ARSL: variants seen among roughly 807,000 people sequenced by gnomAD.
ARSL encodes arylsulfatase L.
A neutral mutation model predicts 31.1 loss-of-function variants in ARSL; 4 were observed. The ratio of observed to expected loss-of-function variants is 0.13; its 90% CI spans 0.06 to 0.29. The LOEUF is 0.29. ARSL is among the 10% of genes least tolerant of loss of function. The pLI, the probability that ARSL is intolerant of heterozygous loss-of-function variation, is 1.00. For missense variants in ARSL, 312 were observed against 497.8 expected (o/e 0.63, Z 3.55); for synonymous variants, 198 against 209.9 (o/e 0.94, Z 0.49).
chrX:2,944,422 C>G (rs745878267), intron 7 of ARSL, among the ~76,000 whole-genome samples: 1 of 104,459 alleles, frequency 9.6e-6, no homozygotes, highest in South Asian at 4.6e-4. Flanking sequence ...CCATTGCACT[C>G]CAGCCTGGGC....
At chrX:2,950,687 C>T (rs1446492335) in intron 5 of ARSL, among the ~76,000 whole-genome samples, 1 of 111,861 alleles carries the variant, frequency 8.9e-6, no homozygotes, top group Admixed American at 9.5e-5. Flanking sequence ...TGAGGCCTCC[C>T]CAGCCATGTG....
chrX:2,936,707 C>G, intron 10 of ARSL, 35 bp downstream of exon 10: 11 of 1,208,764 alleles, frequency 9.1e-6, no homozygotes, highest in Non-Finnish European at 1.2e-5. Flanking sequence ...GGGACTCTTT[C>G]CCTAAGGGTG....
intron 5 of ARSL, among the ~76,000 whole-genome samples, chrX:2,951,614 C>CAAA (rs1164575386): frequency 6.5e-3 from 177 of 27,268 alleles, no homozygotes; most frequent in Non-Finnish European, 0.011. Context: ...CCCATCTCTA[C>CAAA]AAAAAAAAAA....
intron 10 of ARSL, 73 bp downstream of exon 10, chrX:2,936,669 T>C: frequency 8.5e-7 from 1 of 1,172,042 alleles, no homozygotes; most frequent in Non-Finnish European, 1.2e-6. Flanking sequence ...CCTAGCCTGT[T>C]CTAGGGCATG....
intron 2 of ARSL, chrX:2,959,814 G>T: frequency 1.1e-6 from 1 of 880,184 alleles, no homozygotes; most frequent in Non-Finnish European, 1.5e-6. Context: ...TGAGCACGTT[G>T]GGAGGCCAAG....
chrX:2,954,652 C>T (rs1419321887), intron 4 of ARSL, among the ~76,000 whole-genome samples: 1 of 109,809 alleles, frequency 9.1e-6, no homozygotes, highest in African/African-American at 3.4e-5. Flanking sequence ...AAGGTTTTAT[C>T]ATTCAGCTAT....
Position 2,961,891 on chromosome X carries a change from A to AT in ARSL, c.-20-1472dup, listed in dbSNP as rs1340544553. On this transcript the variant is annotated intron_variant, in intron 1 of 10. Transcript: ENST00000381134. ...TTTTTTTTTTTAATCTTTCTTTTTT[A>AT]TTTTTTTGAGACGGAGTCTTGCTCT... is the stretch of plus-strand genomic sequence containing the variant. Among the ~76,000 whole-genome samples, 27 of 44,692 alleles carry AT rather than the reference A, an allele frequency of 6.0e-4. No homozygotes were observed. In the East Asian group the frequency reaches 0.014, roughly 23 times the overall value. 38.8% of individuals were successfully genotyped at this position (44,692 alleles called of 115,157 possible).
At position 2,957,640 on chromosome X, in the gene ARSL, C is replaced by T. The variant is rs2089544241; in HGVS notation, c.185+634G>A. On this transcript the variant is annotated intron_variant, in intron 3 of 10. Coordinates refer to ENST00000381134, the MANE Select transcript of ARSL (RefSeq NM_000047.3). The stretch of plus-strand genomic sequence containing the variant: ...AGGAGAATCACTGGAATCGCAGAGG[C>T]GGAGGTTGCAGTGAGCCGAGATCGC... 2.9e-5 allele frequency among the ~76,000 whole-genome samples: 3 copies of T among 103,520 alleles called. No homozygotes were observed. In the Admixed American group the frequency reaches 3.3e-4, roughly 11 times the overall value. The allele number at this position is 103,520 out of a possible 115,157, so 89.9% of individuals were successfully genotyped here.
At chrX:2,953,693 C>T (rs2089490393) in intron 4 of ARSL, among the ~76,000 whole-genome samples, 1 of 109,609 alleles carries the variant, frequency 9.1e-6, no homozygotes, top group Admixed American at 9.7e-5. Context: ...GCTGGGACTA[C>T]AGGTGTGCAC....
intron 8 of ARSL, among the ~76,000 whole-genome samples, chrX:2,939,390 G>A (rs1388669208): frequency 8.9e-6 from 1 of 112,132 alleles, no homozygotes; most frequent in Non-Finnish European, 1.9e-5. Flanking sequence ...GGCTGGGACA[G>A]GATAAATTCC....
chrX:2,949,184 G>A lies in ARSL; in HGVS notation c.854+120C>T, dbSNP rs181017298. On this transcript the variant is annotated intron_variant, in intron 6 of 10. Coordinates refer to ENST00000381134, the MANE Select transcript of ARSL (RefSeq NM_000047.3). ...GACCTCAGGCGATCCTCCCACCTCAGCCTCCAAAAGCACTGGGATTACAGG... is the reference window on the plus strand; with the variant it reads ...GACCTCAGGCGATCCTCCCACCTCAACCTCCAAAAGCACTGGGATTACAGG... 1.6e-5 allele frequency: 15 copies of A among 938,457 alleles called. No homozygotes were observed. In the African/African-American group the frequency reaches 2.5e-4, roughly 16 times the overall value. 77.3% of individuals were successfully genotyped at this position (938,457 alleles called of 1,213,427 possible).
intron 3 of ARSL, among the ~76,000 whole-genome samples, chrX:2,957,354 G>A (rs760512358): frequency 1.8e-5 from 2 of 110,593 alleles, no homozygotes; most frequent in Admixed American, 9.6e-5. Context: ...AGTCATGCCC[G>A]GCTGATAGCA....
chrX:2,943,684 G>A (rs1309958438), intron 7 of ARSL, among the ~76,000 whole-genome samples: 2 of 93,436 alleles, frequency 2.1e-5, no homozygotes, highest in Non-Finnish European at 4.1e-5. Context: ...GGAGATTGCT[G>A]TGAGCTGAGA....
chrX:2,940,647 G>A (rs1381787089), intron 8 of ARSL, among the ~76,000 whole-genome samples: 1 of 110,341 alleles, frequency 9.1e-6, no homozygotes, highest in Non-Finnish European at 1.9e-5. Flanking sequence ...AATAAACAGT[G>A]GTGGACCACA....
upstream of ARSL, among the ~76,000 whole-genome samples, chrX:2,965,895 C>T (rs986870697): frequency 2.7e-5 from 3 of 111,883 alleles, no homozygotes; most frequent in African/African-American, 9.7e-5. Context: ...AGTGAGACTC[C>T]GTCTCAAAAA....
intron 2 of ARSL, chrX:2,959,795 C>G: frequency 9.9e-7 from 1 of 1,006,439 alleles, no homozygotes; most frequent in Non-Finnish European, 1.3e-6. Flanking sequence ...GTGGCTCATG[C>G]CCATTATCTG....
chrX:2,966,860 C>A (rs967313712), upstream of ARSL, among the ~76,000 whole-genome samples: 7 of 109,209 alleles, frequency 6.4e-5, no homozygotes, highest in African/African-American at 2.3e-4. Flanking sequence ...CTATAGACAT[C>A]TACATACATG....
chrX:2,951,604 C>G (rs1444774517), intron 5 of ARSL, among the ~76,000 whole-genome samples: 11 of 88,858 alleles, frequency 1.2e-4, no homozygotes, highest in Non-Finnish European at 1.1e-4. Flanking sequence ...ATGGGAAGAC[C>G]CCATCTCTAC....
intron 3 of ARSL, among the ~76,000 whole-genome samples, chrX:2,956,579 A>G (rs956864463): frequency 9.0e-5 from 10 of 110,838 alleles, no homozygotes; most frequent in Non-Finnish European, 1.5e-4. Context: ...CTCCTGCCTC[A>G]GCCTCCCAAG....
Sources: gnomAD v4.1 joint callset for allele counts (sites outside exome capture counted in the v4.1 genomes callset) on GRCh38, gnomAD v4.1.1 for gene constraint, MANE v1.5 for transcripts, NCBI Gene and HGNC (gene_info 2026-07-23, HGNC 2026-07-21) for gene names.